EIF6: variants seen among roughly 807,000 people sequenced by gnomAD.
The protein encoded by EIF6 is B4 integrin interactor.
In EIF6, 10 loss-of-function variants were observed where a neutral mutation model predicts 25.5. That is an observed-to-expected ratio of 0.39 (90% CI 0.24 to 0.66). The LOEUF is 0.66. Among genes scored for constraint, EIF6 ranks in the 30% least tolerant of loss-of-function variants. The probability of loss-of-function intolerance (pLI) is 0.45; values close to 1 mark genes in which losing one functional copy is unlikely to be tolerated. For synonymous variants in EIF6, 122 were observed against 122.6 expected (o/e 1.00, Z 0.03); for missense variants, 246 against 315.4 (o/e 0.78, Z 1.67).
Position 35,280,007 on chromosome 20 carries a change from C to G in EIF6, c.481G>C (p.Val161Leu). The G allele has an allele frequency of 1.2e-6, 2 of 1,614,224 alleles. No individual in the cohort carries two copies. The change falls in exon 5 of 7, where the codon GTG (valine) becomes CTG (leucine). Residue 161 changes from valine to leucine, a missense_variant. Transcript: ENST00000374450. ...YCVFSNQGGL[V>L]HPKTSIEDQD... Reference sequence around the variant, plus strand: ...TCTTCAATTGAAGTCTTGGGATGCACCAGCCCTCCCTGATTGCTGAAGACA... The same window carrying G: ...TCTTCAATTGAAGTCTTGGGATGCAGCAGCCCTCCCTGATTGCTGAAGACA...
intron 4 of EIF6, 29 bp from the exon 5 acceptor site, chr20:35,280,147 C>T (rs1341623520): frequency 6.2e-7 from 1 of 1,606,668 alleles, no homozygotes; most frequent in Non-Finnish European, 8.5e-7. Context: ...GTGTTCAGGG[C>T]TCAGAACTTA....
Position 35,280,691 on chromosome 20 carries a change from TTGC to T in EIF6, c.329_331del (p.Cys110_Asn111delinsTyr). ...TGGGTGGACCAAGGCCACGTAGTCATTGCAGGTGGTGACATTGCCCAAGGCTGA... is the reference window on the plus strand; with the variant it reads ...TGGGTGGACCAAGGCCACGTAGTCATAGGTGGTGACATTGCCCAAGGCTGA... On this transcript the variant is annotated inframe_deletion, in exon 4 of 7. Transcript: ENST00000374450. 6.2e-7 allele frequency: 1 copy of T among 1,613,796 alleles called. No homozygotes were observed.
At chr20:35,281,425 C>T (rs980431254) in intron 3 of EIF6, among the ~76,000 whole-genome samples, 1 of 151,290 alleles carries the variant, frequency 6.6e-6, no homozygotes, top group Non-Finnish European at 1.5e-5. Context: ...ACTGAGCTAA[C>T]ACTACACACA....
At chr20:35,280,603 C>T in intron 4 of EIF6, 51 bp downstream of exon 4, 1 of 1,593,610 alleles carries the variant, frequency 6.3e-7, no homozygotes, top group Non-Finnish European at 8.6e-7. Context: ...CAGTGGCTAA[C>T]CACTGACTAG....
In EIF6 at chr20:35,280,062, C is replaced by T; in HGVS notation, c.426G>A (p.Val142=). The change falls in exon 5 of 7, where the codon GTG becomes GTA. Residue 142 remains valine, a synonymous_variant. Coordinates refer to ENST00000374450, the MANE Select transcript of EIF6 (RefSeq NM_002212.4). Reference sequence around the variant, plus strand: ...AGCTTCCTACTAGCACCTGGTCGGCCACTGTCTGTCTGAAGACTTCCACCT... The same window carrying T: ...AGCTTCCTACTAGCACCTGGTCGGCTACTGTCTGTCTGAAGACTTCCACCT... The part of the protein sequence containing the change: ...VLKVEVFRQT[V]ADQVLVGSYC... 1 of 1,614,214 alleles carries T rather than the reference C, an allele frequency of 6.2e-7. No individual in the cohort carries two copies. The highest frequency in any genetic ancestry group is 8.5e-7 in the Non-Finnish European group (1 of 1,180,048).
At chr20:35,284,120 G>A in intron 3 of EIF6, 56 bp downstream of exon 3, 1 of 1,528,104 alleles carries the variant, frequency 6.5e-7, no homozygotes, top group South Asian at 1.2e-5. Context: ...CTCCGGGGGT[G>A]TAATTAATGG....
Position 35,284,725 on chromosome 20 carries a change from C to T in EIF6, c.-6+1G>A, listed in dbSNP as rs1355935298. ...CCCAGGTTCCCCTCACACCAGCTTA[C>T]CAAGTAACCAGTAACAAGCTCCGCA... On this transcript the variant is annotated splice_donor_variant, in intron 1 of 6. Coordinates refer to ENST00000374450, the MANE Select transcript of EIF6 (RefSeq NM_002212.4). LOFTEE classifies it low-confidence loss of function (5UTR_SPLICE). 3.5e-6 allele frequency: 2 copies of T among 565,666 alleles called. No homozygotes were observed. The highest frequency in any genetic ancestry group is 6.3e-6 in the Non-Finnish European group (2 of 318,902). The allele number at this position is 565,666 out of a possible 1,614,324, so 35.0% of individuals were successfully genotyped here. A position where few individuals can be genotyped will look rare whatever the true frequency, so the allele number is the denominator to read the frequency against.
At position 35,279,133 on chromosome 20, in the gene EIF6, G is replaced by A. The variant is rs915724908; in HGVS notation, c.*64C>T. The stretch of plus-strand genomic sequence containing the variant: ...TGCCAGCATCCGGTACAGATTGGGC[G>A]GAATGTGGAGAAGGTTGGCCACAGT... On this transcript the variant is annotated 3_prime_UTR_variant, in exon 7 of 7. Coordinates refer to ENST00000374450, the MANE Select transcript of EIF6 (RefSeq NM_002212.4). 19 of 1,608,792 alleles carry A rather than the reference G, an allele frequency of 1.2e-5. No individual in the cohort carries two copies. Among genetic ancestry groups the A allele is most frequent in the South Asian group, 4.4e-5 (4 of 90,776 alleles).
chr20:35,284,097 C>T (rs555009515), intron 3 of EIF6, 79 bp downstream of exon 3: 95 of 1,486,764 alleles, frequency 6.4e-5, no homozygotes, highest in African/African-American at 4.3e-4. Flanking sequence ...ATCCCTAGGT[C>T]ACTCCGGGTT....
chr20:35,279,248 G>C (rs749855438), intron 6 of EIF6, 42 bp from the exon 7 acceptor site: 9 of 1,609,332 alleles, frequency 5.6e-6, no homozygotes, highest in Non-Finnish European at 6.8e-6. Flanking sequence ...CTGTTTCACA[G>C]AGCCCACCTC....
At chr20:35,284,668 A>G in intron 1 of EIF6, 58 bp downstream of exon 1, 1 of 639,926 alleles carries the variant, frequency 1.6e-6, no homozygotes, top group Non-Finnish European at 2.5e-6. Flanking sequence ...TCTGGCCCCC[A>G]CCCCTCCCGA....
intron 3 of EIF6, among the ~76,000 whole-genome samples, chr20:35,281,934 T>C (rs1175477772): frequency 6.6e-6 from 1 of 152,038 alleles, no homozygotes; most frequent in African/African-American, 2.4e-5. Flanking sequence ...TTAGGTATCA[T>C]ATACCCAGTA....
At chr20:35,281,399 C>CA (rs1373036745) in intron 3 of EIF6, among the ~76,000 whole-genome samples, 3 of 147,400 alleles carry the variant, frequency 2.0e-5, no homozygotes, top group East Asian at 4.0e-4. Context: ...AAAAAAAAAA[C>CA]AAAAAAACAA....
chr20:35,280,675 C>G lies in EIF6; in HGVS notation c.348G>C (p.Leu116Phe). Residue 116 changes from leucine to phenylalanine, a missense_variant, in exon 4 of 7, where the codon TTG becomes TTC. Coordinates refer to ENST00000374450, the MANE Select transcript of EIF6 (RefSeq NM_002212.4). ...TCACCCTGTCCAAGTCTGGGTGGAC[C>G]AAGGCCACGTAGTCATTGCAGGTGG... The part of the protein sequence containing the change: ...NVTTCNDYVA[L>F]VHPDLDRETE... 1 of 1,613,608 alleles carries G rather than the reference C, an allele frequency of 6.2e-7. No homozygotes were observed. Among genetic ancestry groups the G allele is most frequent in the Non-Finnish European group, 8.5e-7 (1 of 1,179,806 alleles).
rs1224719480 is a variant in EIF6, at chr20:35,279,251, C to T, written c.729-45G>A. The T allele has an allele frequency of 3.1e-6, 5 of 1,608,214 alleles. No individual in the cohort carries two copies. The South Asian group carries it at 3.3e-5, about 11-fold the overall frequency. Reference sequence around the variant, plus strand: ...CACGGTCAGTAGCTGTTTCACAGAGCCCACCTCACTCTCAAGTGAGGTGCC... The same window carrying T: ...CACGGTCAGTAGCTGTTTCACAGAGTCCACCTCACTCTCAAGTGAGGTGCC... On this transcript the variant is annotated intron_variant, in intron 6 of 6. Coordinates refer to ENST00000374450, the MANE Select transcript of EIF6 (RefSeq NM_002212.4).
chr20:35,283,865 G>A (rs1361073352), intron 3 of EIF6, among the ~76,000 whole-genome samples: 16 of 151,976 alleles, frequency 1.1e-4, no homozygotes, highest in Admixed American at 9.8e-4. Context: ...AACTTACTGA[G>A]TCACTTAGGT....
At chr20:35,279,443 A>T in intron 6 of EIF6, 123 bp downstream of exon 6, 1 of 1,364,740 alleles carries the variant, frequency 7.3e-7, no homozygotes, top group Non-Finnish European at 1.0e-6. Flanking sequence ...ATATGCTCTC[A>T]CACTCGAGAA....
chr20:35,279,523 TAACCCCCAACC>T (rs781738322), intron 6 of EIF6, 32 bp downstream of exon 6: 2 of 1,601,422 alleles, frequency 1.2e-6, no homozygotes, highest in South Asian at 1.1e-5. Flanking sequence ...AAATGCAAGT[TAACCCCCAACC>T]CTGAGCAGAA....
Position 35,279,989 on chromosome 20 carries a change from T to A in EIF6, c.499A>T (p.Ile167Phe). ...GAGGACAGCTCATCCTGGTCTTCAA[T>A]TGAAGTCTTGGGATGCACCAGCCCT... ...QGGLVHPKTS[I>F]EDQDELSSLL... is the part of the protein sequence containing the mutation. Residue 167 changes from isoleucine to phenylalanine, a missense_variant, in exon 5 of 7, where the codon ATT becomes TTT. By Grantham distance (21) the Ile-to-Phe change is conservative. Transcript: ENST00000374450. 1 of 1,614,218 alleles carries A rather than the reference T, an allele frequency of 6.2e-7. No individual in the cohort carries two copies. The highest frequency in any genetic ancestry group is 8.5e-7 in the Non-Finnish European group (1 of 1,180,040).
Sources: gnomAD v4.1 joint callset for allele counts (sites outside exome capture counted in the v4.1 genomes callset) on GRCh38, gnomAD v4.1.1 for gene constraint, MANE v1.5 for transcripts, NCBI Gene and HGNC (gene_info 2026-07-23, HGNC 2026-07-21) for gene names.